Variants in PTGES3 observed in about 807,000 individuals in gnomAD.
The protein encoded by PTGES3 is prostaglandin E synthase 3.
Under a neutral mutation model 29.9 loss-of-function variants are expected in PTGES3, and 5 were observed. The observed-to-expected ratio is 0.17, with a 90% CI of 0.09 to 0.35. The LOEUF (loss-of-function observed/expected upper bound fraction) is 0.35, where lower values mean the gene tolerates loss of function less well. Among genes scored for constraint, PTGES3 ranks in the 10% least tolerant of loss-of-function variants. PTGES3 has a pLI of 1.00. For synonymous variants in PTGES3, 49 were observed against 57.8 expected, an observed-to-expected ratio of 0.85 and a Z score of 0.69; for missense variants, 128 against 190.0, an observed-to-expected ratio of 0.67 and a Z score of 1.92.
chr12:56,687,721 A>G, intron 1 of PTGES3: 1 of 1,356,410 alleles, frequency 7.4e-7, no homozygotes, highest in Non-Finnish European at 9.5e-7. Flanking sequence ...AAGTTACCGA[A>G]AGAGGCGAGT....
At chr12:56,687,653 G>C in intron 1 of PTGES3, 1 of 1,214,244 alleles carries the variant, frequency 8.2e-7, no homozygotes, top group Non-Finnish European at 1.0e-6. Context: ...ACCCACGAAG[G>C]TTCACGCTTC....
At chr12:56,686,841 T>C (rs1048695525) in intron 1 of PTGES3, 1 of 398,102 alleles carries the variant, frequency 2.5e-6, no homozygotes, top group Non-Finnish European at 4.4e-6. Flanking sequence ...CTCAGTATCA[T>C]GACTTGAATC....
intron 1 of PTGES3, among the ~76,000 whole-genome samples, chr12:56,683,574 C>T (rs1952665485): frequency 6.6e-6 from 1 of 150,590 alleles, no homozygotes; most frequent in Admixed American, 6.7e-5. Context: ...TACTTCAACC[C>T]AGAAGGCGGA....
intron 5 of PTGES3, 142 bp from the exon 6 acceptor site, chr12:56,666,408 G>A: frequency 9.5e-7 from 1 of 1,050,550 alleles, no homozygotes; most frequent in South Asian, 2.5e-5. Flanking sequence ...TTTCCCTTCT[G>A]GAAAAGGAAG....
chr12:56,667,132 C>A (rs1386904402), intron 5 of PTGES3, among the ~76,000 whole-genome samples: 1 of 151,996 alleles, frequency 6.6e-6, no homozygotes, highest in Non-Finnish European at 1.5e-5. Flanking sequence ...ATTGGCCAGG[C>A]TGGTCTTGAA....
intron 1 of PTGES3, among the ~76,000 whole-genome samples, chr12:56,674,429 C>A (rs943418988): frequency 6.6e-6 from 1 of 151,988 alleles, no homozygotes; most frequent in Non-Finnish European, 1.5e-5. Context: ...CGGTGGCTCA[C>A]GCCTGTAATC....
At chr12:56,679,666 G>A (rs1369293125) in intron 1 of PTGES3, among the ~76,000 whole-genome samples, 1 of 152,016 alleles carries the variant, frequency 6.6e-6, no homozygotes. Context: ...CTCTCCATAT[G>A]TTTTGGGTTT....
chr12:56,670,197 C>T (rs1951949476), intron 5 of PTGES3, 78 bp downstream of exon 5: 1 of 997,828 alleles, frequency 1.0e-6, no homozygotes, highest in Admixed American at 1.9e-5. Context: ...CATTAGGTGC[C>T]CAAAACCATA....
intron 6 of PTGES3, chr12:56,665,643 CTCTCT>C (rs1670763813): frequency 7.1e-6 from 7 of 984,834 alleles, no homozygotes; most frequent in Non-Finnish European, 8.4e-6. Flanking sequence ...TATAAACTGA[CTCTCT>C]TCTTTCTTTT....
intron 1 of PTGES3, among the ~76,000 whole-genome samples, chr12:56,681,206 C>T (rs536872025): frequency 2.1e-3 from 325 of 152,160 alleles, no homozygotes; most frequent in African/African-American, 6.9e-3. Context: ...TTCGGACAGC[C>T]CCTTTATGAT....
chr12:56,665,284 C>CTTTT (rs59007550), intron 6 of PTGES3: 9 of 807,368 alleles, frequency 1.1e-5, no homozygotes, highest in African/African-American at 4.8e-5. Flanking sequence ...CAATGTCCAT[C>CTTTT]TTTTTTTTTT....
At chr12:56,665,252 G>A (rs938309952) in intron 6 of PTGES3, 30 of 919,666 alleles carry the variant, frequency 3.3e-5, no homozygotes, top group African/African-American at 3.6e-5. Context: ...GTAGTTTAGT[G>A]TATCTTCCTC....
intron 4 of PTGES3, 60 bp from the exon 5 acceptor site, chr12:56,670,424 T>G (rs1004634688): frequency 8.2e-6 from 10 of 1,222,996 alleles, no homozygotes; most frequent in Non-Finnish European, 1.1e-5. Flanking sequence ...GCATGAACCT[T>G]AAGACTACGT....
At chr12:56,682,779 A>C (rs1043426801) in intron 1 of PTGES3, among the ~76,000 whole-genome samples, 15 of 150,556 alleles carry the variant, frequency 1.0e-4, no homozygotes, top group Non-Finnish European at 7.4e-5. Context: ...AGCACTTTGG[A>C]AGGCCAAGGT....
At chr12:56,666,037 A>AC (rs1204135003) in intron 6 of PTGES3, 167 bp downstream of exon 6, 45 of 1,383,448 alleles carry the variant, frequency 3.3e-5, no homozygotes, top group Admixed American at 2.6e-4. Context: ...CCTAATAGAT[A>AC]CCCCCATTCG....
chr12:56,672,471 TCAAAGAACAAAACCAAA>T (rs1952043244), intron 3 of PTGES3, among the ~76,000 whole-genome samples: 1 of 151,716 alleles, frequency 6.6e-6, no homozygotes, highest in Non-Finnish European at 1.5e-5. Flanking sequence ...TGCAGCAGTC[TCAAAGAACAAAACCAAA>T]CAAACAAAAA....
chr12:56,677,330 A>G (rs1213218307), intron 1 of PTGES3, among the ~76,000 whole-genome samples: 1 of 152,020 alleles, frequency 6.6e-6, no homozygotes, highest in African/African-American at 2.4e-5. Context: ...AGTGGAAACT[A>G]CCACATAAAA....
chr12:56,681,165 C>A (rs1454071994), intron 1 of PTGES3, among the ~76,000 whole-genome samples: 1 of 152,054 alleles, frequency 6.6e-6, no homozygotes, highest in Non-Finnish European at 1.5e-5. Flanking sequence ...CTCGTGAACC[C>A]CAATCCTATT....
chr12:56,681,792 G>C (rs1332742678), intron 1 of PTGES3, among the ~76,000 whole-genome samples: 2 of 151,672 alleles, frequency 1.3e-5, no homozygotes, highest in South Asian at 2.1e-4. Context: ...AGGAGGCAGA[G>C]CTTGCAGTGA....
Sources: allele counts gnomAD v4.1 joint callset (sites outside exome capture counted in the v4.1 genomes callset), GRCh38; gene constraint gnomAD v4.1.1; transcripts MANE v1.5; gene names NCBI Gene and HGNC (gene_info 2026-07-23, HGNC 2026-07-21).